Variants in COL19A1 observed in about 807,000 individuals in gnomAD.
COL19A1 encodes collagen alpha-1(XIX) chain.
Under a neutral mutation model 190.2 loss-of-function variants are expected in COL19A1, and 159 were observed. That is an observed-to-expected ratio of 0.84 (90% confidence interval 0.73 to 0.95). The LOEUF (loss-of-function observed/expected upper bound fraction) is 0.95. Ranked by LOEUF, COL19A1 falls within the 40% of genes least tolerant of loss-of-function variation. The probability of loss-of-function intolerance (pLI) is 0.00; values close to 1 mark genes in which losing one functional copy is unlikely to be tolerated. For missense variants in COL19A1, 1,418 were observed against 1,431.9 expected, an observed-to-expected ratio of 0.99 and a Z score of 0.16; for synonymous variants, 509 against 458.9, an observed-to-expected ratio of 1.11 and a Z score of -1.39.
chr6:69,961,210 T>C (rs3793027), intron 10 of COL19A1, among the ~76,000 whole-genome samples: 17,721 of 152,248 alleles, frequency 0.12, 1,481 homozygotes, highest in East Asian at 0.39. Context: ...TAGGTTTTTC[T>C]CTATAGCTGA....
At chr6:70,010,237 G>A (rs1475065435) in intron 11 of COL19A1, among the ~76,000 whole-genome samples, 1 of 152,110 alleles carries the variant, frequency 6.6e-6, no homozygotes, top group East Asian at 1.9e-4. Flanking sequence ...TTTAAAATGA[G>A]TATGATTGTA....
At chr6:70,194,012 A>G (rs1277373516) in intron 48 of COL19A1, among the ~76,000 whole-genome samples, 1 of 152,262 alleles carries the variant, frequency 6.6e-6, no homozygotes, top group Non-Finnish European at 1.5e-5. Context: ...ACAGACAGCT[A>G]ACTGCTACAG....
At chr6:69,910,751 C>T (rs1372224320) in intron 4 of COL19A1, among the ~76,000 whole-genome samples, 1 of 152,032 alleles carries the variant, frequency 6.6e-6, no homozygotes, top group East Asian at 1.9e-4. Flanking sequence ...CAGAGCTTTT[C>T]GCCTGGTAGG....
At chr6:69,998,829 G>T (rs934092226) in intron 11 of COL19A1, among the ~76,000 whole-genome samples, 16 of 151,966 alleles carry the variant, frequency 1.1e-4, no homozygotes, top group Non-Finnish European at 2.2e-4. Flanking sequence ...ACAATATTTT[G>T]CTGTATTTGT....
At chr6:69,891,704 C>G (rs892775480) in intron 2 of COL19A1, among the ~76,000 whole-genome samples, 6 of 152,202 alleles carry the variant, frequency 3.9e-5, no homozygotes, top group African/African-American at 1.4e-4. Flanking sequence ...CCACTCTCAC[C>G]TATGCCTCTA....
Position 70,130,228 on chromosome 6 carries a change from T to C in COL19A1, c.1383+5T>C. On this transcript the variant is annotated splice_donor_5th_base_variant and intron_variant, in intron 18 of 50. Transcript: ENST00000620364. ...GGAGGCCTGAAAGGAGACAAGGTAA[T>C]CAGATTTTTTTTTTTTAGATGGAGT... The C allele has an allele frequency of 6.2e-7, 1 of 1,611,100 alleles. No individual in the cohort carries two copies. The highest frequency in any genetic ancestry group is 8.5e-7 in the Non-Finnish European group (1 of 1,178,778).
intron 15 of COL19A1, among the ~76,000 whole-genome samples, chr6:70,074,270 G>A (rs905059550): frequency 1.3e-5 from 2 of 152,016 alleles, no homozygotes; most frequent in South Asian, 2.1e-4. Context: ...AGGCCAAGAC[G>A]GGCGGATCAC....
chr6:70,123,206 A>C lies in COL19A1; in HGVS notation c.1341+1264A>C, dbSNP rs538879875. ...TATGCAGCCAAAAAACATATGAAAA[A>C]ATGCTCACCATCACTGGCCATCAGA... On this transcript the variant is annotated intron_variant, in intron 17 of 50. Coordinates refer to ENST00000620364, the MANE Select transcript of COL19A1 (RefSeq NM_001858.6). 6.4e-3 allele frequency among the ~76,000 whole-genome samples: 974 copies of C among 152,298 alleles called. 5 individuals are homozygous for C. Among genetic ancestry groups the C allele is most frequent in the Non-Finnish European group, 0.01 (687 of 68,022 alleles).
intron 11 of COL19A1, among the ~76,000 whole-genome samples, chr6:70,002,129 G>A (rs545037699): frequency 6.6e-6 from 1 of 152,090 alleles, no homozygotes; most frequent in African/African-American, 2.4e-5. Flanking sequence ...TAATCATGTG[G>A]TTTTTGTCTT....
intron 11 of COL19A1, among the ~76,000 whole-genome samples, chr6:69,993,189 G>A (rs1476488086): frequency 6.6e-6 from 1 of 152,022 alleles, no homozygotes; most frequent in Non-Finnish European, 1.5e-5. Flanking sequence ...TTTATTATAA[G>A]CCTTTCCTTC....
chr6:69,935,705 GTT>G (rs111944541), intron 7 of COL19A1, among the ~76,000 whole-genome samples: 3 of 148,624 alleles, frequency 2.0e-5, no homozygotes, highest in African/African-American at 4.9e-5. Flanking sequence ...CTACTACCAA[GTT>G]TTTTTTTTTA....
At chr6:70,055,065 T>C (rs1376561427) in intron 14 of COL19A1, among the ~76,000 whole-genome samples, 1 of 152,132 alleles carries the variant, frequency 6.6e-6, no homozygotes, top group Non-Finnish European at 1.5e-5. Context: ...TTCCTCCAAA[T>C]CAATTTTTTT....
Position 69,959,216 on chromosome 6 carries a change from C to T in COL19A1, c.937-780C>T, listed in dbSNP as rs1426147902. 2.6e-5 allele frequency among the ~76,000 whole-genome samples: 4 copies of T among 152,142 alleles called. No homozygotes were observed. The East Asian group carries it at 5.8e-4, about 22-fold the overall frequency. ...AAACTAAAAGCCATCTGTCTTTTTA[C>T]CCAAGACAGAAACCAGATGAACAGG... On this transcript the variant is annotated intron_variant, in intron 9 of 50. Transcript: ENST00000620364.
intron 4 of COL19A1, among the ~76,000 whole-genome samples, chr6:69,922,635 C>G (rs1248580680): frequency 6.6e-6 from 1 of 151,944 alleles, no homozygotes. Context: ...CGCGTGCCAC[C>G]ATGCCTGACT....
At chr6:70,035,996 C>T in intron 14 of COL19A1, 57 bp downstream of exon 14, 1 of 1,483,766 alleles carries the variant, frequency 6.7e-7, no homozygotes. Context: ...GTTTATTATC[C>T]ATATTACATC....
rs1768099400 is a variant in COL19A1 at position 70,210,130 on chromosome 6, T to A, written c.*2856T>A. On this transcript the variant is annotated 3_prime_UTR_variant, in exon 51 of 51. Coordinates refer to ENST00000620364, the MANE Select transcript of COL19A1 (RefSeq NM_001858.6). ...CACTCCAGAAAACAACATACATGTT[T>A]AAATACAAAATAATTATGGGCCATG... Among the ~76,000 whole-genome samples the A allele has an allele frequency of 6.6e-6, 1 of 152,188 alleles. No individual in the cohort carries two copies. The highest frequency in any genetic ancestry group is 1.5e-5 in the Non-Finnish European group (1 of 68,004).
intron 11 of COL19A1, among the ~76,000 whole-genome samples, chr6:69,980,275 T>C (rs1159583515): frequency 6.6e-6 from 1 of 152,220 alleles, no homozygotes; most frequent in Non-Finnish European, 1.5e-5. Context: ...TCAGAAGTTA[T>C]GTGAAGTTAA....
intron 48 of COL19A1, among the ~76,000 whole-genome samples, chr6:70,197,635 A>G (rs1212491): frequency 0.76 from 115,972 of 152,086 alleles, 45,074 homozygotes; most frequent in African/African-American, 0.91. Flanking sequence ...TTATCTATTA[A>G]TTACTAGAAT....
chr6:70,102,416 AT>A lies in COL19A1; in HGVS notation c.1278+195del, dbSNP rs1324795950. Reference sequence around the variant, plus strand: ...CTCCATCATCACCACAAACCAAGAGATGAGGGAGGCTGGTAATTGTCCATAC... The same window carrying A: ...CTCCATCATCACCACAAACCAAGAGAGAGGGAGGCTGGTAATTGTCCATAC... On this transcript the variant is annotated intron_variant, in intron 16 of 50. Coordinates refer to ENST00000620364, the MANE Select transcript of COL19A1 (RefSeq NM_001858.6). Among the ~76,000 whole-genome samples the A allele has an allele frequency of 1.4e-4, 22 of 152,270 alleles. 1 individual carries two copies. The highest frequency in any genetic ancestry group is 5.1e-4 in the African/African-American group (21 of 41,564).
Sources: gnomAD v4.1 joint callset for allele counts (sites outside exome capture counted in the v4.1 genomes callset) on GRCh38, gnomAD v4.1.1 for gene constraint, MANE v1.5 for transcripts, NCBI Gene and HGNC (gene_info 2026-07-23, HGNC 2026-07-21) for gene names.